Variants in SAMD5 observed in about 807,000 individuals in gnomAD.
SAMD5 encodes sterile alpha motif domain containing 5.
In SAMD5, 13 loss-of-function variants were observed where a neutral mutation model predicts 11.3. The ratio of observed to expected loss-of-function variants is 1.15; its 90% CI spans 0.75 to 1.83. The LOEUF (loss-of-function observed/expected upper bound fraction) is 1.83, where lower values mean the gene tolerates loss of function less well. Ranked by LOEUF, SAMD5 falls within the 40% of genes most tolerant of loss-of-function variation. The pLI, the probability that SAMD5 is intolerant of heterozygous loss-of-function variation, is 0.00. For missense variants in SAMD5, 255 were observed against 239.1 expected (o/e 1.07, Z -0.44); for synonymous variants, 129 against 111.3 (o/e 1.16, Z -1.00).
chr6:147,793,137 G>A, the SAMD5 span, among the ~76,000 whole-genome samples: 1 of 152,096 alleles, frequency 6.6e-6, no homozygotes. Flanking sequence ...TCTGAGCCAG[G>A]TGATCAAGGT....
chr6:147,657,462 CGAGA>C (rs137964622), intron 1 of SAMD5, among the ~76,000 whole-genome samples: 6 of 151,390 alleles, frequency 4.0e-5, no homozygotes, highest in African/African-American at 1.2e-4. Flanking sequence ...TGAGAGAGAG[CGAGA>C]GAGAGAGTGA....
intron 1 of SAMD5, among the ~76,000 whole-genome samples, chr6:147,718,243 G>A (rs1791495107): frequency 6.6e-6 from 1 of 152,168 alleles, no homozygotes; most frequent in African/African-American, 2.4e-5. Flanking sequence ...TGTCTACTAA[G>A]CTGAGCATTG....
At chr6:147,882,645 G>A in the SAMD5 span, among the ~76,000 whole-genome samples, 10 of 152,326 alleles carry the variant, frequency 6.6e-5, no homozygotes, top group Admixed American at 2.0e-4. Context: ...TAACCCTGGC[G>A]AAGCCACTCA....
intron 1 of SAMD5, among the ~76,000 whole-genome samples, chr6:147,607,339 T>C (rs575098988): frequency 1.3e-5 from 2 of 152,184 alleles, no homozygotes; most frequent in South Asian, 4.2e-4. Flanking sequence ...AATCCTAAAA[T>C]TTACATGGAA....
the SAMD5 span, among the ~76,000 whole-genome samples, chr6:147,936,371 A>G: frequency 6.6e-6 from 1 of 151,956 alleles, no homozygotes; most frequent in Non-Finnish European, 1.5e-5. Context: ...AGGCCTCAGG[A>G]AGCTTACAAT....
chr6:147,887,119 ACAGTCTATTCTC>A, the SAMD5 span, among the ~76,000 whole-genome samples: 3,956 of 152,336 alleles, frequency 0.026, 71 homozygotes, highest in Middle Eastern at 0.041. Flanking sequence ...GATAACAAAT[ACAGTCTATTCTC>A]ACCACTACTT....
chr6:147,816,301 A>AAAAAAAAAAAAATATATAT, the SAMD5 span, among the ~76,000 whole-genome samples: 7 of 66,348 alleles, frequency 1.1e-4, no homozygotes, highest in East Asian at 4.5e-4. Context: ...AAAAAAAAAA[A>AAAAAAAAAAAAATATATAT]ATATATATAT....
At chr6:147,761,009 C>T in the SAMD5 span, among the ~76,000 whole-genome samples, 1,754 of 152,210 alleles carry the variant, frequency 0.012, 33 homozygotes, top group African/African-American at 0.041. Context: ...ACATTTAAAA[C>T]CCCTTTAAAA....
chr6:147,731,555 T>G (rs1791713822), intron 1 of SAMD5, among the ~76,000 whole-genome samples: 2 of 151,706 alleles, frequency 1.3e-5, no homozygotes, highest in African/African-American at 4.8e-5. Flanking sequence ...CTGTACCCTC[T>G]GTCTCCCTAA....
intron 1 of SAMD5, among the ~76,000 whole-genome samples, chr6:147,551,355 CT>C (rs1489676061): frequency 6.6e-6 from 1 of 152,124 alleles, no homozygotes; most frequent in Non-Finnish European, 1.5e-5. Flanking sequence ...AAATGCTCTA[CT>C]TTGTGGGGTG....
chr6:147,688,233 A>G (rs1167656548), intron 1 of SAMD5, among the ~76,000 whole-genome samples: 1 of 151,838 alleles, frequency 6.6e-6, no homozygotes, highest in Non-Finnish European at 1.5e-5. Context: ...TTTATATATG[A>G]TATCTAAAAT....
chr6:147,813,263 G>T, the SAMD5 span, among the ~76,000 whole-genome samples: 1 of 152,180 alleles, frequency 6.6e-6, no homozygotes, highest in Non-Finnish European at 1.5e-5. Flanking sequence ...ACTTTCTGCA[G>T]GTTGTTTACT....
At chr6:147,699,632 A>G (rs1791224684) in intron 1 of SAMD5, among the ~76,000 whole-genome samples, 1 of 152,228 alleles carries the variant, frequency 6.6e-6, no homozygotes, top group Non-Finnish European at 1.5e-5. Context: ...TTGAGTGTGA[A>G]ACGTTTTATT....
chr6:147,564,737 G>A lies in SAMD5; in HGVS notation c.*281G>A. The A allele has an allele frequency of 9.3e-7, 1 of 1,072,906 alleles. No individual in the cohort carries two copies. Among genetic ancestry groups the A allele is most frequent in the Non-Finnish European group, 1.1e-6 (1 of 886,748 alleles). 66.5% of individuals were successfully genotyped at this position (1,072,906 alleles called of 1,614,324 possible). ...TGAGATACAGTCTTATGCATTTCTT[G>A]GCATTCTCCCTTCCATTCTTAATGA... On this transcript the variant is annotated 3_prime_UTR_variant, in exon 2 of 2. Transcript: ENST00000367474.
At position 147,621,131 on chromosome 6, in the gene SAMD5, A is replaced by G. The variant is rs1164706265; in HGVS notation, c.162+111744A>G. On this transcript the variant is annotated intron_variant, in intron 1 of 1. Transcript: ENST00000566741. Reference sequence around the variant, plus strand: ...ATCACTTGAATTTTACTCTGAAGTTAGAGCAGAATGATGTAATCAGAGCCA... The same window carrying G: ...ATCACTTGAATTTTACTCTGAAGTTGGAGCAGAATGATGTAATCAGAGCCA... Among the ~76,000 whole-genome samples the G allele has an allele frequency of 1.7e-4, 26 of 152,230 alleles. 2 individuals carry two copies. Among genetic ancestry groups the G allele is most frequent in the Admixed American group, 1.3e-3 (20 of 15,286 alleles).
chr6:147,607,140 T>G (rs1047470595), intron 1 of SAMD5, among the ~76,000 whole-genome samples: 1 of 152,146 alleles, frequency 6.6e-6, no homozygotes, highest in African/African-American at 2.4e-5. Flanking sequence ...ATTGTTTTTA[T>G]TAACTCTCAT....
At chr6:147,882,344 C>A in the SAMD5 span, among the ~76,000 whole-genome samples, 1 of 152,124 alleles carries the variant, frequency 6.6e-6, no homozygotes, top group Non-Finnish European at 1.5e-5. Context: ...CCATTAGGAA[C>A]TTTGTTAGTT....
the SAMD5 span, among the ~76,000 whole-genome samples, chr6:147,932,321 A>C: frequency 6.6e-6 from 1 of 152,100 alleles, no homozygotes; most frequent in African/African-American, 2.4e-5. Context: ...CCAGCTGATC[A>C]TGTTGAACCT....
At chr6:147,527,755 C>T (rs903924485) in intron 1 of SAMD5, among the ~76,000 whole-genome samples, 8 of 152,234 alleles carry the variant, frequency 5.3e-5, no homozygotes, top group Middle Eastern at 3.4e-3. Context: ...TAGTTAGTTA[C>T]TTCCAAGAAC....
Sources: gnomAD v4.1 joint callset for allele counts (sites outside exome capture counted in the v4.1 genomes callset) on GRCh38, gnomAD v4.1.1 for gene constraint, MANE v1.5 for transcripts, NCBI Gene and HGNC (gene_info 2026-07-23, HGNC 2026-07-21) for gene names.